Variants in CDH12 observed in about 807,000 individuals in gnomAD.
CDH12 encodes the protein cadherin 12.
CDH12 carries 41 observed loss-of-function variants against 74.1 expected under a neutral mutation model. That is an observed-to-expected ratio of 0.55 (90% CI 0.43 to 0.72). CDH12 has a LOEUF of 0.72. Among genes scored for constraint, CDH12 ranks in the 30% least tolerant of loss-of-function variants. The probability of loss-of-function intolerance (pLI) is 0.00; values close to 1 mark genes in which losing one functional copy is unlikely to be tolerated. For missense variants in CDH12, 945 were observed against 977.2 expected, an observed-to-expected ratio of 0.97 and a Z score of 0.44; for synonymous variants, 399 against 355.0, an observed-to-expected ratio of 1.12 and a Z score of -1.39.
chr5:22,089,705 A>C (rs369804318), intron 4 of CDH12, among the ~76,000 whole-genome samples: 5 of 152,290 alleles, frequency 3.3e-5, no homozygotes. Context: ...TACATTAAAA[A>C]TCAACTGCAG....
chr5:21,872,741 T>C (rs1319345048), intron 6 of CDH12, among the ~76,000 whole-genome samples: 4 of 152,132 alleles, frequency 2.6e-5, no homozygotes, highest in Non-Finnish European at 5.9e-5. Context: ...CTAACATTAT[T>C]TATTTTGATT....
intron 2 of CDH12, among the ~76,000 whole-genome samples, chr5:22,473,566 A>G (rs1746053007): frequency 6.6e-6 from 1 of 152,150 alleles, no homozygotes; most frequent in Admixed American, 6.6e-5. Context: ...AAGTAATGTT[A>G]TTAAAATGGT....
At chr5:21,918,940 A>G (rs1039248236) in intron 6 of CDH12, among the ~76,000 whole-genome samples, 6 of 152,178 alleles carry the variant, frequency 3.9e-5, no homozygotes, top group Non-Finnish European at 8.8e-5. Context: ...AGTTTTACAA[A>G]GTCATATTGA....
intron 2 of CDH12, among the ~76,000 whole-genome samples, chr5:22,457,474 C>A (rs1345382290): frequency 2.0e-5 from 3 of 151,696 alleles, no homozygotes; most frequent in Non-Finnish European, 4.4e-5. Context: ...GGCTGGAGTG[C>A]AGTGGTGCAA....
chr5:22,121,935 G>A (rs1447071915), intron 4 of CDH12, among the ~76,000 whole-genome samples: 1 of 151,836 alleles, frequency 6.6e-6, no homozygotes, highest in East Asian at 1.9e-4. Flanking sequence ...TTACATATAG[G>A]TGCAATTATT....
intron 3 of CDH12, among the ~76,000 whole-genome samples, chr5:22,224,378 C>A (rs182086559): frequency 1.1e-3 from 165 of 151,718 alleles, no homozygotes; most frequent in Middle Eastern, 6.8e-3. Flanking sequence ...CAAATTCTGA[C>A]CTCAGGCAGA....
chr5:22,830,253 A>G (rs2126497648), intron 1 of CDH12, among the ~76,000 whole-genome samples: 1 of 152,272 alleles, frequency 6.6e-6, no homozygotes, highest in East Asian at 1.9e-4. Flanking sequence ...TGTTTAAGAA[A>G]AGTTTTGTTT....
chr5:21,996,054 A>T (rs1736273286), intron 5 of CDH12, among the ~76,000 whole-genome samples: 1 of 150,952 alleles, frequency 6.6e-6, no homozygotes, highest in Non-Finnish European at 1.5e-5. Context: ...AAGAAGGAGA[A>T]TAATGAGATA....
intron 6 of CDH12, among the ~76,000 whole-genome samples, chr5:21,869,013 G>A (rs989465601): frequency 3.9e-5 from 6 of 152,252 alleles, no homozygotes; most frequent in Middle Eastern, 3.4e-3. Context: ...CTTAGTTCCA[G>A]AGAAAGGAAT....
intron 4 of CDH12, among the ~76,000 whole-genome samples, chr5:22,106,608 C>T (rs143607328): frequency 1.3e-3 from 197 of 152,274 alleles, no homozygotes; most frequent in African/African-American, 4.6e-3. Flanking sequence ...TTATCATGTG[C>T]ATTTCACTGA....
chr5:22,639,783 G>C (rs956346449), intron 1 of CDH12, among the ~76,000 whole-genome samples: 1 of 152,046 alleles, frequency 6.6e-6, no homozygotes, highest in African/African-American at 2.4e-5. Context: ...CCTCAGAGTA[G>C]AACATGAAAC....
chr5:22,156,241 C>A (rs1300160304), intron 4 of CDH12, among the ~76,000 whole-genome samples: 3 of 152,060 alleles, frequency 2.0e-5, no homozygotes, highest in African/African-American at 7.2e-5. Flanking sequence ...ACAAGCATAT[C>A]ACCTAAGCTT....
At chr5:21,930,288 T>C (rs954558151) in intron 6 of CDH12, among the ~76,000 whole-genome samples, 2 of 152,212 alleles carry the variant, frequency 1.3e-5, no homozygotes, top group African/African-American at 2.4e-5. Flanking sequence ...ACATGCCAGA[T>C]TGCAGCACCA....
intron 1 of CDH12, among the ~76,000 whole-genome samples, chr5:22,630,704 T>C (rs958284215): frequency 1.3e-5 from 2 of 152,128 alleles, no homozygotes; most frequent in Non-Finnish European, 2.9e-5. Context: ...TTCTAGGAAA[T>C]GCCATTCTGG....
rs145762463 is a variant in CDH12 at position 21,830,281 on chromosome 5, A to G, written c.814+11880T>C. Among the ~76,000 whole-genome samples, 1,316 of 147,466 alleles carry G rather than the reference A, an allele frequency of 8.9e-3. 22 individuals carry two copies. The highest frequency in any genetic ancestry group is 0.031 in the African/African-American group (1,238 of 39,712). On this transcript the variant is annotated intron_variant, in intron 8 of 14. Transcript: ENST00000382254. ...TCTGCTTCTCTTTTGAGGATCCTCC[A>G]TTTTCAACCACCACTTGTTCATCTC...
chr5:22,503,009 T>C (rs1736235884), intron 2 of CDH12, among the ~76,000 whole-genome samples: 1 of 152,152 alleles, frequency 6.6e-6, no homozygotes, highest in Non-Finnish European at 1.5e-5. Context: ...GTCCTTTGGC[T>C]GCATTTTTCC....
At chr5:22,506,948 T>G (rs909400618) in intron 1 of CDH12, among the ~76,000 whole-genome samples, 3 of 152,176 alleles carry the variant, frequency 2.0e-5, no homozygotes, top group Non-Finnish European at 2.9e-5. Context: ...AAACCACATT[T>G]TTCATTTCTT....
At chr5:22,602,540 G>A (rs921244925) in intron 1 of CDH12, among the ~76,000 whole-genome samples, 3 of 152,102 alleles carry the variant, frequency 2.0e-5, no homozygotes, top group South Asian at 2.1e-4. Context: ...ATCAAGCCTC[G>A]TATAGAATGA....
chr5:22,350,649 T>G (rs2150464053), intron 3 of CDH12, among the ~76,000 whole-genome samples: 1 of 152,320 alleles, frequency 6.6e-6, no homozygotes, highest in East Asian at 1.9e-4. Context: ...ATCTGCAAAA[T>G]ATTGCATGGT....
Sources: allele counts gnomAD v4.1 joint callset (sites outside exome capture counted in the v4.1 genomes callset), GRCh38; gene constraint gnomAD v4.1.1; transcripts MANE v1.5; gene names NCBI Gene and HGNC (gene_info 2026-07-23, HGNC 2026-07-21).